ADGRL3: variants seen among roughly 807,000 people sequenced by gnomAD.
The protein encoded by ADGRL3 is adhesion G protein-coupled receptor L3, also known as calcium-independent alpha-latrotoxin receptor 3.
In ADGRL3, 62 loss-of-function variants were observed where a neutral mutation model predicts 153.5. The ratio of observed to expected loss-of-function variants is 0.40; its 90% CI spans 0.33 to 0.50. The LOEUF is 0.50. ADGRL3 is among the 20% of genes least tolerant of loss of function. The pLI is 0.47. For synonymous variants in ADGRL3, 710 were observed against 672.5 expected (o/e 1.06, Z -0.86); for missense variants, 1,641 against 1,859.4 (o/e 0.88, Z 2.16).
intron 9 of ADGRL3, among the ~76,000 whole-genome samples, chr4:61,854,329 T>G (rs920236964): frequency 6.6e-6 from 1 of 152,164 alleles, no homozygotes; most frequent in Non-Finnish European, 1.5e-5. Context: ...ATTCTAGGGC[T>G]AGGGGATGAA....
chr4:61,562,944 CAAAAAAA>C (rs35146786), intron 4 of ADGRL3, among the ~76,000 whole-genome samples: 1 of 105,982 alleles, frequency 9.4e-6, no homozygotes, highest in Non-Finnish European at 2.0e-5. Context: ...GACCCTGTCT[CAAAAAAA>C]AAAAAAAAAA....
chr4:61,630,808 A>T (rs2093117568), intron 5 of ADGRL3, among the ~76,000 whole-genome samples: 1 of 152,206 alleles, frequency 6.6e-6, no homozygotes, highest in African/African-American at 2.4e-5. Flanking sequence ...TAGTTCTCAG[A>T]TATGAGGTTT....
At chr4:61,232,108 C>G (rs1750898775) in intron 1 of ADGRL3, among the ~76,000 whole-genome samples, 1 of 152,102 alleles carries the variant, frequency 6.6e-6, no homozygotes. Flanking sequence ...TCTGGGATTG[C>G]TGTCAAGGTC....
chr4:61,813,413 TAAGA>T (rs1201686819), intron 8 of ADGRL3, among the ~76,000 whole-genome samples: 6 of 152,012 alleles, frequency 3.9e-5, no homozygotes, highest in East Asian at 1.9e-4. Flanking sequence ...AATAAATAAA[TAAGA>T]AAGAAATATT....
At position 62,073,968 on chromosome 4, in the gene ADGRL3, A is replaced by G. The variant is rs1371550177; in HGVS notation, c.*3060A>G. 6.6e-6 allele frequency: 1 copy of G among 152,168 alleles called. No individual in the cohort carries two copies. Among genetic ancestry groups the G allele is most frequent in the African/African-American group, 2.4e-5 (1 of 41,446 alleles). The allele number at this position is 152,168 out of a possible 1,614,324, so 9.4% of individuals were successfully genotyped here. On this transcript the variant is annotated 3_prime_UTR_variant, in exon 27 of 27. Transcript: ENST00000683033. ...TACATACATTTCAATAGAAATTTGC[A>G]TATATCTAACATATTCATTTTGTCC...
At chr4:61,279,925 T>G (rs939766404) in intron 1 of ADGRL3, among the ~76,000 whole-genome samples, 1 of 151,994 alleles carries the variant, frequency 6.6e-6, no homozygotes, top group African/African-American at 2.4e-5. Context: ...TGCAACTACT[T>G]AATGGGTAGT....
At chr4:61,906,487 T>C (rs929282682) in intron 11 of ADGRL3, 1 of 152,188 alleles carries the variant, frequency 6.6e-6, no homozygotes, top group Non-Finnish European at 1.5e-5. Flanking sequence ...CATTTTATTG[T>C]TTATCATAAA....
chr4:61,449,286 G>A lies in ADGRL3; in HGVS notation c.-173-47835G>A, dbSNP rs199571228. On this transcript the variant is annotated intron_variant, in intron 2 of 26. Transcript: ENST00000683033. The stretch of plus-strand genomic sequence containing the variant: ...TTAGTAGCTGGGATTAGAGAAATGC[G>A]CCACCACGCCCAGCTAATTTTTGTA... Among the ~76,000 whole-genome samples the A allele has an allele frequency of 1.7e-4, 26 of 151,910 alleles. No individual in the cohort carries two copies. The East Asian group carries it at 3.3e-3, about 19-fold the overall frequency.
intron 4 of ADGRL3, among the ~76,000 whole-genome samples, chr4:61,581,474 G>C (rs1324609433): frequency 6.6e-6 from 1 of 151,994 alleles, no homozygotes; most frequent in Non-Finnish European, 1.5e-5. Context: ...CCCTCCTAGA[G>C]ATAGCTCTTT....
At chr4:61,606,342 T>C (rs1167871738) in intron 5 of ADGRL3, among the ~76,000 whole-genome samples, 3 of 152,196 alleles carry the variant, frequency 2.0e-5, no homozygotes, top group Non-Finnish European at 4.4e-5. Flanking sequence ...CTAATGACTG[T>C]GTTAGTTTGC....
Position 62,051,129 on chromosome 4 carries a change from G to A in ADGRL3, c.3814+6580G>A, listed in dbSNP as rs532056862. ...ATACAAAGAATATGTGTATATATAT[G>A]TGTGTATATATATATACACAAAGAA... On this transcript the variant is annotated intron_variant, in intron 25 of 26. Coordinates refer to ENST00000683033, the MANE Select transcript of ADGRL3 (RefSeq NM_001387552.1). Among the ~76,000 whole-genome samples the A allele has an allele frequency of 4.6e-3, 641 of 140,296 alleles. 3 individuals carry two copies. Among genetic ancestry groups the A allele is most frequent in the African/African-American group, 0.017 (601 of 36,410 alleles). The allele number at this position is 140,296 out of a possible 152,430, so 92.0% of individuals were successfully genotyped here. A position where few individuals can be genotyped will look rare whatever the true frequency, so the allele number is the denominator to read the frequency against.
intron 5 of ADGRL3, among the ~76,000 whole-genome samples, chr4:61,641,272 T>G (rs2093654727): frequency 6.6e-6 from 1 of 152,030 alleles, no homozygotes; most frequent in African/African-American, 2.4e-5. Context: ...ATCCTATTTT[T>G]TTTTCGTTTT....
chr4:61,579,418 T>C (rs1285822180), intron 4 of ADGRL3, among the ~76,000 whole-genome samples: 1 of 152,112 alleles, frequency 6.6e-6, no homozygotes, highest in Non-Finnish European at 1.5e-5. Context: ...GTTTTAGAAA[T>C]GTTATTTCTC....
At chr4:61,299,294 G>A (rs532743078) in intron 1 of ADGRL3, among the ~76,000 whole-genome samples, 1 of 152,126 alleles carries the variant, frequency 6.6e-6, no homozygotes, top group South Asian at 2.1e-4. Flanking sequence ...GCTGTGTCAG[G>A]GACATGCATT....
intron 1 of ADGRL3, among the ~76,000 whole-genome samples, chr4:61,291,324 T>TA (rs1442626343): frequency 6.6e-6 from 1 of 151,580 alleles, no homozygotes; most frequent in South Asian, 2.1e-4. Context: ...TGTACAATGA[T>TA]AAAAATAATA....
chr4:61,234,312 A>G (rs1751949377), intron 1 of ADGRL3, among the ~76,000 whole-genome samples: 1 of 152,146 alleles, frequency 6.6e-6, no homozygotes, highest in South Asian at 2.1e-4. Context: ...GCAAAAGTGG[A>G]AACACCTGAT....
intron 1 of ADGRL3, among the ~76,000 whole-genome samples, chr4:61,326,767 A>G (rs1201354742): frequency 1.3e-5 from 2 of 152,084 alleles, no homozygotes; most frequent in East Asian, 3.9e-4. Flanking sequence ...TAAATTTTCA[A>G]CACAGTATGT....
intron 2 of ADGRL3, among the ~76,000 whole-genome samples, chr4:61,486,718 T>C (rs2098198724): frequency 6.6e-6 from 1 of 152,226 alleles, no homozygotes; most frequent in Admixed American, 6.5e-5. Flanking sequence ...TACTGATATA[T>C]TTTGAAATCT....
At chr4:62,045,712 G>T (rs1730772736) in intron 25 of ADGRL3, among the ~76,000 whole-genome samples, 1 of 151,772 alleles carries the variant, frequency 6.6e-6, no homozygotes, top group African/African-American at 2.4e-5. Context: ...ATTATTTGGG[G>T]CAACAATATA....
Sources: allele counts gnomAD v4.1 joint callset (sites outside exome capture counted in the v4.1 genomes callset), GRCh38; gene constraint gnomAD v4.1.1; transcripts MANE v1.5; gene names NCBI Gene and HGNC (gene_info 2026-07-23, HGNC 2026-07-21).